BLTP2: variants seen among roughly 807,000 people sequenced by gnomAD.
The protein encoded by BLTP2 is U937-associated antigen.
At chr17:28,636,884 G>GAAA in the BLTP2 span, 79 of 942,322 alleles carry the variant, frequency 8.4e-5, no homozygotes, top group Middle Eastern at 3.4e-4. Flanking sequence ...GAAAAGACAA[G>GAAA]AAAAAAAAAA....
the BLTP2 span, chr17:28,632,086 T>C: frequency 2.5e-6 from 4 of 1,614,056 alleles, no homozygotes; most frequent in Admixed American, 6.7e-5. Flanking sequence ...GGAAAGTTGC[T>C]TGTAGTGCTG....
chr17:28,634,863 T>C, the BLTP2 span: 3 of 1,613,972 alleles, frequency 1.9e-6, no homozygotes, highest in South Asian at 1.1e-5. Context: ...CCAGTAGCTG[T>C]AGTCTTTTGG....
chr17:28,637,207 C>T, the BLTP2 span: 13 of 1,556,544 alleles, frequency 8.4e-6, no homozygotes, highest in Non-Finnish European at 1.2e-5. Context: ...TGGTTCCCGG[C>T]TCTCAAAGGG....
At chr17:28,617,019 G>C in the BLTP2 span, 3 of 1,567,862 alleles carry the variant, frequency 1.9e-6, no homozygotes, top group Non-Finnish European at 2.6e-6. Flanking sequence ...AGAGAGTAAA[G>C]AAGAGCCCAA....
the BLTP2 span, chr17:28,637,971 A>C: frequency 6.2e-7 from 1 of 1,614,234 alleles, no homozygotes; most frequent in South Asian, 1.1e-5. Context: ...ATCAGGGATA[A>C]GATACGAGAC....
the BLTP2 span, chr17:28,640,488 G>A: frequency 2.0e-6 from 3 of 1,507,826 alleles, no homozygotes; most frequent in Non-Finnish European, 2.8e-6. Context: ...CAAATACTAG[G>A]CTGGTTACAG....
the BLTP2 span, chr17:28,632,919 A>C: frequency 6.8e-7 from 1 of 1,480,668 alleles, no homozygotes; most frequent in Non-Finnish European, 9.0e-7. Context: ...CTTCCTCCCC[A>C]CTGCCCCAGG....
the BLTP2 span, among the ~76,000 whole-genome samples, chr17:28,632,637 C>G: frequency 6.6e-6 from 1 of 152,076 alleles, no homozygotes; most frequent in Non-Finnish European, 1.5e-5. Flanking sequence ...GAGGAATGGG[C>G]CCTCACTGAC....
chr17:28,634,601 G>A, the BLTP2 span: 3 of 1,614,210 alleles, frequency 1.9e-6, no homozygotes, highest in South Asian at 3.3e-5. Context: ...GGGCTGCCTG[G>A]ATCAAGCTCT....
the BLTP2 span, chr17:28,639,512 A>C: frequency 1.2e-6 from 2 of 1,613,690 alleles, no homozygotes; most frequent in African/African-American, 1.3e-5. Flanking sequence ...CACAAACTCA[A>C]AACGAAATAA....
chr17:28,622,891 A>G, the BLTP2 span, among the ~76,000 whole-genome samples: 18 of 152,272 alleles, frequency 1.2e-4, no homozygotes, highest in East Asian at 2.9e-3. Flanking sequence ...CCTGGCCAAC[A>G]TGGTGAAACC....
the BLTP2 span, among the ~76,000 whole-genome samples, chr17:28,622,432 A>G: frequency 6.6e-6 from 1 of 152,172 alleles, no homozygotes; most frequent in Non-Finnish European, 1.5e-5. Flanking sequence ...AGGTGAAAAG[A>G]GGGATCAGTT....
At chr17:28,640,685 T>C in the BLTP2 span, 3 of 1,613,552 alleles carry the variant, frequency 1.9e-6, no homozygotes, top group African/African-American at 4.0e-5. Flanking sequence ...CTGTCACCTC[T>C]GAAAATATGA....
the BLTP2 span, chr17:28,633,923 G>A: frequency 3.1e-6 from 5 of 1,614,104 alleles, no homozygotes; most frequent in South Asian, 1.1e-5. Context: ...ATTTGAGTGG[G>A]GGCATGTTCC....
the BLTP2 span, chr17:28,637,918 T>TG: frequency 6.2e-7 from 1 of 1,614,174 alleles, no homozygotes; most frequent in Non-Finnish European, 8.5e-7. Context: ...ATTCCCCAAA[T>TG]GAAGAGTGCC....
At chr17:28,643,698 TA>T in the BLTP2 span, 7 of 1,590,516 alleles carry the variant, frequency 4.4e-6, no homozygotes, top group Non-Finnish European at 5.2e-6. Context: ...TGCTAGCTGC[TA>T]AATAAGCCAC....
At chr17:28,641,836 AAAAC>A in the BLTP2 span, 3 of 1,523,296 alleles carry the variant, frequency 2.0e-6, no homozygotes, top group East Asian at 4.6e-5. Context: ...TTCTACTTCC[AAAAC>A]AAACCCTGAG....
chr17:28,637,273 C>T, the BLTP2 span: 1 of 879,612 alleles, frequency 1.1e-6, no homozygotes, highest in East Asian at 2.6e-5. Flanking sequence ...CTTTATTCCT[C>T]ATGCCTCCCT....
chr17:28,631,327 C>T, the BLTP2 span: 1 of 697,026 alleles, frequency 1.4e-6, no homozygotes, highest in Non-Finnish European at 2.5e-6. Flanking sequence ...CATGCGGGCA[C>T]CGTGATCTTG....
Sources: allele counts gnomAD v4.1 joint callset (sites outside exome capture counted in the v4.1 genomes callset), GRCh38; gene constraint gnomAD v4.1.1; transcripts MANE v1.5; gene names NCBI Gene and HGNC (gene_info 2026-07-23, HGNC 2026-07-21).